EXOC6: variants seen among roughly 807,000 people sequenced by gnomAD.
The protein encoded by EXOC6 is exocyst complex component 6, also known as SEC15-like 1.
In EXOC6, 60 loss-of-function variants were observed where a neutral mutation model predicts 112.5. The observed-to-expected ratio is 0.53, with a 90% CI of 0.43 to 0.66. The LOEUF (loss-of-function observed/expected upper bound fraction) is 0.66, where lower values mean the gene tolerates loss of function less well. EXOC6 is among the 30% of genes least tolerant of loss of function. EXOC6 has a pLI of 0.00. For synonymous variants in EXOC6, 295 were observed against 308.0 expected (o/e 0.96, Z 0.44); for missense variants, 855 against 957.1 (o/e 0.89, Z 1.41).
intron 17 of EXOC6, among the ~76,000 whole-genome samples, chr10:92,965,237 A>G (rs1322673806): frequency 1.3e-5 from 2 of 152,204 alleles, no homozygotes; most frequent in African/African-American, 2.4e-5. Context: ...ACACATGTTT[A>G]TGCTCCAGGA....
upstream of EXOC6, chr10:92,848,351 A>T: frequency 4.6e-6 from 1 of 217,538 alleles, no homozygotes; most frequent in Non-Finnish European, 7.9e-6. Context: ...GCCCCCGCTC[A>T]CTCCTGCAGG....
chr10:92,908,909 T>G (rs550269901), intron 5 of EXOC6, among the ~76,000 whole-genome samples: 119 of 151,682 alleles, frequency 7.8e-4, no homozygotes, highest in African/African-American at 2.2e-3. Flanking sequence ...TACCTGTTTT[T>G]TGTGTGTGTG....
intron 19 of EXOC6, among the ~76,000 whole-genome samples, chr10:93,012,092 C>T (rs900924682): frequency 6.6e-6 from 1 of 152,142 alleles, no homozygotes; most frequent in Non-Finnish European, 1.5e-5. Flanking sequence ...AAAGGTTACT[C>T]ATTCTCAAAA....
Position 93,056,226 on chromosome 10 carries a change from A to G in EXOC6, c.2170-698A>G, listed in dbSNP as rs576542928. On this transcript the variant is annotated intron_variant, in intron 20 of 21. Coordinates refer to ENST00000260762, the MANE Select transcript of EXOC6 (RefSeq NM_019053.6). Reference sequence around the variant, plus strand: ...TAAAAGATTACTTCCATATTTGACAATGATTCTAACTGGAGATTATAAAGT... The same window carrying G: ...TAAAAGATTACTTCCATATTTGACAGTGATTCTAACTGGAGATTATAAAGT... Among the ~76,000 whole-genome samples the G allele has an allele frequency of 5.9e-5, 9 of 152,302 alleles. No individual in the cohort carries two copies. The East Asian group carries it at 1.7e-3, about 29-fold the overall frequency.
chr10:93,037,351 A>G (rs1456153209), intron 20 of EXOC6, among the ~76,000 whole-genome samples: 1 of 149,102 alleles, frequency 6.7e-6, no homozygotes, highest in Non-Finnish European at 1.5e-5. Context: ...TGTTGCCCAG[A>G]TTGTTCTGAA....
At chr10:93,039,120 A>G (rs764828849) in intron 20 of EXOC6, among the ~76,000 whole-genome samples, 1 of 152,176 alleles carries the variant, frequency 6.6e-6, no homozygotes, top group Non-Finnish European at 1.5e-5. Context: ...AGCCAAGTGG[A>G]TAATAGTTGT....
intron 19 of EXOC6, among the ~76,000 whole-genome samples, chr10:93,009,860 T>C (rs1844160023): frequency 6.6e-6 from 1 of 152,202 alleles, no homozygotes; most frequent in African/African-American, 2.4e-5. Context: ...CCTTGTTTTA[T>C]TTGAAGATGA....
At chr10:92,990,223 A>G (rs1158500131) in intron 18 of EXOC6, among the ~76,000 whole-genome samples, 1 of 152,172 alleles carries the variant, frequency 6.6e-6, no homozygotes, top group Non-Finnish European at 1.5e-5. Flanking sequence ...GAAAATGAAC[A>G]TATTTGTATT....
At chr10:92,996,126 C>G (rs911892683) in intron 18 of EXOC6, among the ~76,000 whole-genome samples, 3 of 152,020 alleles carry the variant, frequency 2.0e-5, no homozygotes, top group African/African-American at 7.3e-5. Context: ...TCAAATATGA[C>G]TGGGTAAATA....
At chr10:92,828,098 A>T (rs1846415362) in intron 1 of EXOC6, among the ~76,000 whole-genome samples, 1 of 152,154 alleles carries the variant, frequency 6.6e-6, no homozygotes, top group African/African-American at 2.4e-5. Context: ...TGCTTGCTAG[A>T]TTCACTCATT....
chr10:92,973,843 G>C (rs1260238006), intron 17 of EXOC6, among the ~76,000 whole-genome samples: 1 of 152,038 alleles, frequency 6.6e-6, no homozygotes, highest in Non-Finnish European at 1.5e-5. Flanking sequence ...AAAGGTGATA[G>C]GTTAGAAAGG....
chr10:93,010,828 T>C (rs1222758132), intron 19 of EXOC6, among the ~76,000 whole-genome samples: 2 of 152,106 alleles, frequency 1.3e-5, no homozygotes, highest in Non-Finnish European at 2.9e-5. Flanking sequence ...GCATGCCCTA[T>C]TTACTCAAGT....
At chr10:93,038,035 G>C (rs1241258086) in intron 20 of EXOC6, among the ~76,000 whole-genome samples, 3 of 104,392 alleles carry the variant, frequency 2.9e-5, no homozygotes, top group African/African-American at 1.2e-4. Flanking sequence ...GCGAGACTCC[G>C]TCTCCAAAAA....
intron 1 of EXOC6, among the ~76,000 whole-genome samples, chr10:92,877,732 TC>T (rs769234608): frequency 1.3e-5 from 2 of 152,188 alleles, no homozygotes; most frequent in Non-Finnish European, 2.9e-5. Context: ...GTTTTTGTTT[TC>T]CTCCATACTA....
chr10:92,846,026 C>T (rs772793509), upstream of EXOC6, among the ~76,000 whole-genome samples: 1 of 152,244 alleles, frequency 6.6e-6, no homozygotes, highest in Non-Finnish European at 1.5e-5. Flanking sequence ...CCTCCAGGTA[C>T]TCACGGAACT....
chr10:92,906,069 T>C (rs10882124), intron 5 of EXOC6, among the ~76,000 whole-genome samples: 15,589 of 152,182 alleles, frequency 0.1, 879 homozygotes, highest in Admixed American at 0.17. Context: ...CTTGGAGAAT[T>C]GACCATTTTA....
chr10:92,904,263 A>T (rs1276321667), intron 5 of EXOC6, among the ~76,000 whole-genome samples: 2 of 152,106 alleles, frequency 1.3e-5, no homozygotes, highest in Non-Finnish European at 2.9e-5. Flanking sequence ...TGCCATAAAC[A>T]TTTGTGTGCA....
rs181150136 is a variant in EXOC6 at position 92,935,723 on chromosome 10, A to G, written c.1141-91A>G. On this transcript the variant is annotated intron_variant, in intron 11 of 21. Transcript: ENST00000260762. ...ATAAGTCTGGCAGATTAAAAGAAAC[A>G]TTATCAATTTCTTATTTCTTAGTTT... 9.7e-5 allele frequency: 90 copies of G among 924,778 alleles called. No homozygotes were observed. In the African/African-American group the frequency reaches 1.4e-3, roughly 14 times the overall value. The allele number at this position is 924,778 out of a possible 1,614,324, so 57.3% of individuals were successfully genotyped here.
chr10:92,940,322 G>A (rs1852585202), intron 12 of EXOC6, among the ~76,000 whole-genome samples: 1 of 152,150 alleles, frequency 6.6e-6, no homozygotes, highest in African/African-American at 2.4e-5. Flanking sequence ...GTCTTAAATT[G>A]AAGGTGCAAA....
Sources: gnomAD v4.1 joint callset for allele counts (sites outside exome capture counted in the v4.1 genomes callset) on GRCh38, gnomAD v4.1.1 for gene constraint, MANE v1.5 for transcripts, NCBI Gene and HGNC (gene_info 2026-07-23, HGNC 2026-07-21) for gene names.